The following DCDC1 variants were observed in gnomAD, a reference collection of about 807,000 sequenced individuals.
The protein encoded by DCDC1 is doublecortin domain-containing protein 1.
In DCDC1, 200 loss-of-function variants were observed where a neutral mutation model predicts 178.3. That is an observed-to-expected ratio of 1.12 (90% confidence interval 1.00 to 1.26). DCDC1 has a LOEUF of 1.26. Among genes scored for constraint, DCDC1 ranks in the 50% most tolerant of loss-of-function variants. The pLI is 0.00. For synonymous variants in DCDC1, 690 were observed against 604.8 expected, an observed-to-expected ratio of 1.14 and a Z score of -2.07; for missense variants, 1,983 against 1,749.2, an observed-to-expected ratio of 1.13 and a Z score of -2.38.
chr11:31,356,697 A>C (rs1311050734), intron 1 of DCDC1, among the ~76,000 whole-genome samples: 1 of 151,074 alleles, frequency 6.6e-6, no homozygotes, highest in Non-Finnish European at 1.5e-5. Context: ...TAGCAAGACT[A>C]ATAAAGAAAA....
At chr11:30,977,145 A>G (rs1200057825) in intron 20 of DCDC1, among the ~76,000 whole-genome samples, 1 of 151,784 alleles carries the variant, frequency 6.6e-6, no homozygotes, top group Non-Finnish European at 1.5e-5. Context: ...TCATGAAGGT[A>G]GAGAGCAGAA....
chr11:31,109,857 C>T (rs187384625), intron 12 of DCDC1, among the ~76,000 whole-genome samples: 186 of 152,254 alleles, frequency 1.2e-3, no homozygotes, highest in African/African-American at 4.2e-3. Flanking sequence ...GCTGAACTTG[C>T]TCACAATGAG....
intron 7 of DCDC1, among the ~76,000 whole-genome samples, chr11:31,288,106 C>A (rs1001625048): frequency 3.3e-5 from 5 of 151,784 alleles, no homozygotes; most frequent in Non-Finnish European, 7.4e-5. Flanking sequence ...ATCCACACAG[C>A]CATCAATTAT....
At chr11:30,918,532 T>A (rs1424617310) in intron 25 of DCDC1, among the ~76,000 whole-genome samples, 1 of 152,080 alleles carries the variant, frequency 6.6e-6, no homozygotes, top group Non-Finnish European at 1.5e-5. Flanking sequence ...GGGGTAAGGT[T>A]TACGTTAGCA....
intron 1 of DCDC1, among the ~76,000 whole-genome samples, chr11:31,366,545 T>C (rs1271042745): frequency 1.3e-5 from 2 of 152,180 alleles, no homozygotes; most frequent in African/African-American, 4.8e-5. Context: ...ATGGAAGAGA[T>C]AGGCCTTAAA....
At chr11:30,931,636 A>T (rs1946926668) in intron 22 of DCDC1, 135 bp downstream of exon 22, 2 of 881,260 alleles carry the variant, frequency 2.3e-6, no homozygotes, top group Non-Finnish European at 1.6e-6. Flanking sequence ...CTCTATTTTC[A>T]TCTTCAAATA....
Position 31,127,362 on chromosome 11 carries a change from A to T in DCDC1, c.1485+107T>A, listed in dbSNP as rs545365706. 7.5e-6 allele frequency: 4 copies of T among 535,556 alleles called. No individual in the cohort carries two copies. In the East Asian group the frequency reaches 9.0e-5, roughly 12 times the overall value. The allele number at this position is 535,556 out of a possible 1,614,324, so 33.2% of individuals were successfully genotyped here. ...TAATATTACCAGTTTGAGGAAGACAACATTAAAAGAAATTCAAGCTAAGTG... is the reference window on the plus strand; with the variant it reads ...TAATATTACCAGTTTGAGGAAGACATCATTAAAAGAAATTCAAGCTAAGTG... On this transcript the variant is annotated intron_variant, in intron 11 of 38. Coordinates refer to ENST00000684477, the MANE Select transcript of DCDC1 (RefSeq NM_001387274.1).
intron 36 of DCDC1, chr11:30,883,403 A>G (rs1257341529): frequency 7.3e-6 from 3 of 412,262 alleles, no homozygotes; most frequent in Non-Finnish European, 1.5e-5. Context: ...CCTATACATT[A>G]TTGGTGTTAC....
intron 38 of DCDC1, among the ~76,000 whole-genome samples, chr11:30,873,942 G>C (rs1941881616): frequency 6.6e-6 from 1 of 152,084 alleles, no homozygotes; most frequent in Non-Finnish European, 1.5e-5. Context: ...AAACTCACTT[G>C]TTTAGCCTTC....
chr11:31,247,865 G>A (rs995334580), intron 8 of DCDC1, among the ~76,000 whole-genome samples: 2 of 152,168 alleles, frequency 1.3e-5, no homozygotes, highest in East Asian at 1.9e-4. Context: ...CAAGGATTTT[G>A]TGAACTCAAT....
intron 18 of DCDC1, among the ~76,000 whole-genome samples, chr11:31,070,989 A>C (rs1200919911): frequency 6.6e-6 from 1 of 152,080 alleles, no homozygotes; most frequent in Non-Finnish European, 1.5e-5. Context: ...CTTTTTTCTT[A>C]TTATTATACA....
chr11:30,875,767 T>C (rs1942061699), intron 38 of DCDC1, among the ~76,000 whole-genome samples: 1 of 152,144 alleles, frequency 6.6e-6, no homozygotes, highest in African/African-American at 2.4e-5. Context: ...TATTTAATTA[T>C]GATAAACAAT....
At position 30,904,978 on chromosome 11, in the gene DCDC1, C is replaced by T. The variant is rs61747656; in HGVS notation, c.4291G>A (p.Ala1431Thr). The T allele has an allele frequency of 2.8e-3, 4,517 of 1,613,726 alleles. 113 individuals are homozygous for T. In the African/African-American group the frequency reaches 0.051, roughly 18 times the overall value. Residue 1431 changes from alanine (A) to threonine (T), a missense_variant, in exon 31 of 39, where the codon GCT (alanine) becomes ACT (threonine). Physicochemically the swap from Ala to Thr is moderately conservative, Grantham distance 58. Coordinates refer to ENST00000684477, the MANE Select transcript of DCDC1 (RefSeq NM_001387274.1). ...CCACTTACCATGGGGAATGTTCCAG[C>T]CACAATTAACTTCCCATTACGATAC... ...DGYRNGKLIV[A>T]GTFPMLLTEC... is the part of the protein sequence containing the mutation.
At chr11:31,060,531 T>C (rs955350424) in intron 20 of DCDC1, among the ~76,000 whole-genome samples, 2 of 152,140 alleles carry the variant, frequency 1.3e-5, no homozygotes, top group African/African-American at 4.8e-5. Context: ...GAAGTTTATA[T>C]TTTTAGATAA....
intron 3 of DCDC1, among the ~76,000 whole-genome samples, chr11:31,309,141 T>TG (rs34427084): frequency 0.43 from 62,487 of 146,244 alleles, 13,373 homozygotes; most frequent in African/African-American, 0.52. Context: ...AAAATAGATG[T>TG]TTGTGTGTGT....
At chr11:31,137,237 G>C (rs1963245502) in intron 10 of DCDC1, among the ~76,000 whole-genome samples, 1 of 151,876 alleles carries the variant, frequency 6.6e-6, no homozygotes, top group African/African-American at 2.4e-5. Context: ...TCAATAAAAT[G>C]ATACCCGGTT....
chr11:31,094,365 A>G (rs1958008843), intron 15 of DCDC1, among the ~76,000 whole-genome samples, 181 bp from the exon 16 acceptor site: 1 of 152,162 alleles, frequency 6.6e-6, no homozygotes, highest in South Asian at 2.1e-4. Flanking sequence ...CACCAACTCT[A>G]TTATGCAAGA....
intron 7 of DCDC1, among the ~76,000 whole-genome samples, chr11:31,277,170 G>GT (rs1345337477): frequency 2.0e-5 from 3 of 151,800 alleles, no homozygotes; most frequent in African/African-American, 7.3e-5. Flanking sequence ...CAATAATCTG[G>GT]TTTTTTTCAC....
intron 20 of DCDC1, among the ~76,000 whole-genome samples, chr11:30,957,712 A>G (rs542251957): frequency 5.9e-5 from 9 of 152,212 alleles, no homozygotes; most frequent in Non-Finnish European, 1.2e-4. Flanking sequence ...GAACTGGGAC[A>G]TGCATGGTGA....
Sources: gnomAD v4.1 joint callset for allele counts (sites outside exome capture counted in the v4.1 genomes callset) on GRCh38, gnomAD v4.1.1 for gene constraint, MANE v1.5 for transcripts, NCBI Gene and HGNC (gene_info 2026-07-23, HGNC 2026-07-21) for gene names.